COLQ: variants seen among roughly 807,000 people sequenced by gnomAD.
COLQ encodes the protein collagen like tail subunit of asymmetric acetylcholinesterase.
COLQ carries 48 observed loss-of-function variants against 69.0 expected under a neutral mutation model. The ratio of observed to expected loss-of-function variants is 0.70; its 90% CI spans 0.55 to 0.88. The LOEUF is 0.88. COLQ is among the 40% of genes least tolerant of loss of function. The pLI is 0.00. For synonymous variants in COLQ, 217 were observed against 211.2 expected, an observed-to-expected ratio of 1.03 and a Z score of -0.24; for missense variants, 618 against 594.6, an observed-to-expected ratio of 1.04 and a Z score of -0.41.
At position 15,465,518 on chromosome 3, in the gene COLQ, G is replaced by A. The variant is rs1041068430; in HGVS notation, c.814+823C>T. 1.1e-4 allele frequency among the ~76,000 whole-genome samples: 17 copies of A among 150,838 alleles called. 1 individual carries two copies. The highest frequency in any genetic ancestry group is 4.1e-4 in the African/African-American group (17 of 41,184). On this transcript the variant is annotated intron_variant, in intron 12 of 16. Coordinates refer to ENST00000383788, the MANE Select transcript of COLQ (RefSeq NM_005677.4). ...CCTGATCTCGTGATCTGCCCACCTCGGCCTCCCAAAGTGCTGGGATTACAG... is the reference window on the plus strand; with the variant it reads ...CCTGATCTCGTGATCTGCCCACCTCAGCCTCCCAAAGTGCTGGGATTACAG...
intron 3 of COLQ, among the ~76,000 whole-genome samples, chr3:15,484,239 T>A (rs1465541715): frequency 6.6e-6 from 1 of 152,254 alleles, no homozygotes; most frequent in East Asian, 1.9e-4. Flanking sequence ...TATGTGTGAA[T>A]TTGATCCTGT....
chr3:15,518,600 T>G (rs1255354469), intron 1 of COLQ, among the ~76,000 whole-genome samples: 4 of 152,244 alleles, frequency 2.6e-5, no homozygotes, highest in Non-Finnish European at 4.4e-5. Flanking sequence ...AATGAACCTC[T>G]GATCCAGATA....
intron 1 of COLQ, chr3:15,498,413 C>T (rs1052474666): frequency 6.4e-6 from 8 of 1,249,326 alleles, no homozygotes; most frequent in Non-Finnish European, 8.7e-6. Flanking sequence ...GCTGCTAAAA[C>T]CTCCTAGTAC....
chr3:15,453,727 C>G, intron 16 of COLQ, 102 bp downstream of exon 16: 1 of 797,570 alleles, frequency 1.3e-6, no homozygotes, highest in East Asian at 2.7e-5. Context: ...GAAGGCACCA[C>G]AAAGTGGAGA....
intron 10 of COLQ, among the ~76,000 whole-genome samples, chr3:15,471,257 T>C (rs535590151): frequency 1.4e-4 from 22 of 152,360 alleles, no homozygotes; most frequent in African/African-American, 5.1e-4. Context: ...ACATCTTCAA[T>C]ATAATTATTG....
intron 1 of COLQ, among the ~76,000 whole-genome samples, chr3:15,506,343 G>C (rs1016447734): frequency 1.3e-5 from 2 of 152,138 alleles, no homozygotes; most frequent in African/African-American, 4.8e-5. Flanking sequence ...TTGTTTAATT[G>C]TTTAGAATAG....
intron 12 of COLQ, among the ~76,000 whole-genome samples, chr3:15,459,235 T>A (rs933227322): frequency 6.6e-6 from 1 of 152,190 alleles, no homozygotes; most frequent in Non-Finnish European, 1.5e-5. Flanking sequence ...TCTGCCCATT[T>A]ACCCTCCCCT....
At chr3:15,461,497 C>T (rs1382950795) in intron 12 of COLQ, among the ~76,000 whole-genome samples, 1 of 152,202 alleles carries the variant, frequency 6.6e-6, no homozygotes, top group Admixed American at 6.5e-5. Flanking sequence ...TTCATCGCCA[C>T]CCCCTGCAGC....
intron 1 of COLQ, among the ~76,000 whole-genome samples, chr3:15,497,970 G>C (rs959953744): frequency 2.6e-5 from 4 of 152,218 alleles, no homozygotes; most frequent in African/African-American, 9.7e-5. Context: ...GAACATGGTA[G>C]AGTTTGCCTT....
At chr3:15,452,862 C>A (rs2125079884) in intron 16 of COLQ, among the ~76,000 whole-genome samples, 1 of 152,308 alleles carries the variant, frequency 6.6e-6, no homozygotes, top group East Asian at 1.9e-4. Context: ...GAAGAGAGAG[C>A]ACAGAGAAGG....
At chr3:15,516,179 G>A (rs1398578640) in intron 1 of COLQ, among the ~76,000 whole-genome samples, 1 of 152,206 alleles carries the variant, frequency 6.6e-6, no homozygotes, top group Non-Finnish European at 1.5e-5. Flanking sequence ...GAAATATGGG[G>A]CGGTAAATCA....
In COLQ at chr3:15,480,152, T is replaced by C. The variant is rs56259279; in HGVS notation, c.322-770A>G. Among the ~76,000 whole-genome samples the C allele has an allele frequency of 3.3e-3, 510 of 152,338 alleles. 10 individuals carry two copies. Among genetic ancestry groups the C allele is most frequent in the Middle Eastern group, 6.8e-3 (2 of 294 alleles). ...CAACCCCAGGATCTGCAGGTGAACATGCATAGTGCAAAGCCTGTTTGAAAT... is the reference window on the plus strand; with the variant it reads ...CAACCCCAGGATCTGCAGGTGAACACGCATAGTGCAAAGCCTGTTTGAAAT... On this transcript the variant is annotated intron_variant, in intron 3 of 16. Coordinates refer to ENST00000383788, the MANE Select transcript of COLQ (RefSeq NM_005677.4).
intron 16 of COLQ, among the ~76,000 whole-genome samples, chr3:15,453,305 G>A (rs914002112): frequency 6.6e-6 from 1 of 152,220 alleles, no homozygotes; most frequent in Admixed American, 6.5e-5. Flanking sequence ...CTTGGAGGGA[G>A]TATTTTCTTG....
intron 7 of COLQ, 42 bp from the exon 8 acceptor site, chr3:15,474,993 G>T: frequency 1.2e-6 from 2 of 1,605,810 alleles, no homozygotes; most frequent in Non-Finnish European, 1.7e-6. Flanking sequence ...AGCCCTGTAG[G>T]ACTTCTGAGT....
intron 1 of COLQ, among the ~76,000 whole-genome samples, chr3:15,491,553 A>C (rs1215004175): frequency 6.6e-6 from 1 of 152,248 alleles, no homozygotes; most frequent in Non-Finnish European, 1.5e-5. Context: ...CCGTGCACAC[A>C]CACTCGCTCG....
intron 11 of COLQ, among the ~76,000 whole-genome samples, chr3:15,467,407 C>A (rs996572393): frequency 3.3e-5 from 5 of 152,192 alleles, no homozygotes; most frequent in African/African-American, 1.2e-4. Flanking sequence ...TTGTACAGAA[C>A]GAAGAGCTAT....
intron 11 of COLQ, among the ~76,000 whole-genome samples, chr3:15,469,908 G>T (rs2062254064): frequency 6.6e-6 from 1 of 152,192 alleles, no homozygotes; most frequent in African/African-American, 2.4e-5. Flanking sequence ...AATGGAAAAA[G>T]CTTCCATCCA....
intron 6 of COLQ, among the ~76,000 whole-genome samples, chr3:15,475,914 T>C (rs1039689073): frequency 5.3e-5 from 8 of 152,178 alleles, no homozygotes; most frequent in African/African-American, 1.9e-4. Context: ...TGGTTGGGAC[T>C]TCCAGCACCC....
chr3:15,465,330 G>C (rs12639085), intron 12 of COLQ, among the ~76,000 whole-genome samples: 1 of 148,938 alleles, frequency 6.7e-6, no homozygotes, highest in Non-Finnish European at 1.5e-5. Flanking sequence ...GCAGTTGCGC[G>C]ATCTCGACTC....
Sources: gnomAD v4.1 joint callset for allele counts (sites outside exome capture counted in the v4.1 genomes callset) on GRCh38, gnomAD v4.1.1 for gene constraint, MANE v1.5 for transcripts, NCBI Gene and HGNC (gene_info 2026-07-23, HGNC 2026-07-21) for gene names.